Variants in FAM120B observed in about 807,000 individuals in gnomAD.
FAM120B encodes the protein family with sequence similarity 120 member B, also known as constitutive coactivator of peroxisome proliferator-activated receptor gamma.
Under a neutral mutation model 96.3 loss-of-function variants are expected in FAM120B, and 83 were observed. The ratio of observed to expected loss-of-function variants is 0.86; its 90% CI spans 0.72 to 1.03. FAM120B has a LOEUF of 1.03. Among genes scored for constraint, FAM120B ranks in the 50% least tolerant of loss-of-function variants. The probability of loss-of-function intolerance (pLI) is 0.00; values close to 1 mark genes in which losing one functional copy is unlikely to be tolerated. For synonymous variants in FAM120B, 407 were observed against 402.7 expected, an observed-to-expected ratio of 1.01 and a Z score of -0.13; for missense variants, 1,027 against 1,121.2, an observed-to-expected ratio of 0.92 and a Z score of 1.20.
chr6:170,293,450 AC>A (rs973684046), upstream of FAM120B, among the ~76,000 whole-genome samples: 3 of 151,610 alleles, frequency 2.0e-5, no homozygotes, highest in African/African-American at 7.3e-5. Flanking sequence ...TCTCTAACAA[AC>A]CCCCCTCAGT....
chr6:170,378,019 G>T (rs1789669940), intron 6 of FAM120B, among the ~76,000 whole-genome samples: 1 of 152,232 alleles, frequency 6.6e-6, no homozygotes, highest in Admixed American at 6.5e-5. Context: ...TTTTGAGTCA[G>T]TCAGCCCTTT....
In FAM120B at chr6:170,382,902, A is replaced by G. The variant is rs142856926; in HGVS notation, c.2284-5385A>G. ...ACTGTATTTGATAACATACCTTGCT[A>G]TATAACTGCAGTAATCAAGACAGTA... On this transcript the variant is annotated intron_variant, in intron 6 of 10. Coordinates refer to ENST00000476287, the MANE Select transcript of FAM120B (RefSeq NM_032448.3). 1.7e-3 allele frequency among the ~76,000 whole-genome samples: 263 copies of G among 152,366 alleles called. 1 individual carries two copies. Among genetic ancestry groups the G allele is most frequent in the African/African-American group, 6.0e-3 (251 of 41,590 alleles).
intron 4 of FAM120B, among the ~76,000 whole-genome samples, chr6:170,342,855 G>A (rs576980303): frequency 6.6e-6 from 1 of 152,310 alleles, no homozygotes; most frequent in Non-Finnish European, 1.5e-5. Context: ...GAGGCTCTGG[G>A]TGAAACATGA....
intron 4 of FAM120B, among the ~76,000 whole-genome samples, chr6:170,341,668 G>A (rs1222278088): frequency 6.6e-6 from 1 of 152,204 alleles, no homozygotes; most frequent in African/African-American, 2.4e-5. Context: ...TGCAAAAACT[G>A]TGGGAAAAGC....
upstream of FAM120B, among the ~76,000 whole-genome samples, chr6:170,295,068 G>T (rs530734739): frequency 2.6e-5 from 4 of 152,222 alleles, no homozygotes; most frequent in East Asian, 1.9e-4. The surrounding 1 kb of genome is among the most constrained non-coding windows in gnomAD (Gnocchi z 7.8). Context: ...TTCTCCTTCC[G>T]TCAGTTTTGG....
At chr6:170,330,359 T>C (rs929561685) in intron 3 of FAM120B, 90 bp from the exon 4 acceptor site, 6 of 913,208 alleles carry the variant, frequency 6.6e-6, no homozygotes, top group Non-Finnish European at 1.0e-5. Context: ...CACCTTTGAA[T>C]TGGCCACCTG....
At chr6:170,379,903 A>G (rs190766597) in intron 6 of FAM120B, among the ~76,000 whole-genome samples, 1 of 152,332 alleles carries the variant, frequency 6.6e-6, no homozygotes, top group East Asian at 1.9e-4. Flanking sequence ...TTTTCGGTAT[A>G]CAGTAGAGTG....
intron 6 of FAM120B, among the ~76,000 whole-genome samples, chr6:170,366,472 G>A (rs1297322476): frequency 6.6e-6 from 1 of 152,214 alleles, no homozygotes; most frequent in East Asian, 1.9e-4. Context: ...GTGCTCTGAG[G>A]GGCAGGTGCC....
At chr6:170,389,256 C>T (rs1021693370) in intron 7 of FAM120B, among the ~76,000 whole-genome samples, 1 of 152,072 alleles carries the variant, frequency 6.6e-6, no homozygotes, top group African/African-American at 2.4e-5. Context: ...ATACAATAGC[C>T]CGAAAGTAAT....
At chr6:170,383,487 G>A (rs929057516) in intron 6 of FAM120B, among the ~76,000 whole-genome samples, 3 of 152,094 alleles carry the variant, frequency 2.0e-5, no homozygotes, top group African/African-American at 7.2e-5. Context: ...TTAGAAAGTA[G>A]GCCAAAGATA....
At chr6:170,398,340 C>T (rs1338066581) in intron 9 of FAM120B, among the ~76,000 whole-genome samples, 10 of 152,086 alleles carry the variant, frequency 6.6e-5, no homozygotes, top group Admixed American at 5.9e-4. Context: ...TATGTCATAA[C>T]TCTTAGGAGT....
At chr6:170,313,976 G>A (rs527711355) in intron 1 of FAM120B, among the ~76,000 whole-genome samples, 80 of 152,334 alleles carry the variant, frequency 5.3e-4, no homozygotes, top group African/African-American at 1.7e-3. Context: ...CTGTGTGTGC[G>A]TCCATCAACA....
Position 170,318,990 on chromosome 6 carries a change from G to A in FAM120B, c.1600G>A (p.Val534Ile), listed in dbSNP as rs201884009. Residue 534 changes from valine to isoleucine, a missense_variant, in exon 2 of 11, where the codon GTA becomes ATA. Val to Ile is a conservative substitution (Grantham distance 29). Around this residue, in one of 3 missense-constraint regions of FAM120B, gnomAD observed 880 missense variants for 980.9 expected, o/e 0.90. Transcript: ENST00000476287. ...CGCTGAAATCAATCAAAAATTACCT[G>A]TAGCAACAGATTTTGAATTTAAGCT... ...THAEINQKLP[V>I]ATDFEFKLEA... The A allele has an allele frequency of 9.9e-6, 16 of 1,614,020 alleles. No homozygotes were observed. Among genetic ancestry groups the A allele is most frequent in the Admixed American group, 1.7e-5 (1 of 60,000 alleles).
chr6:170,349,877 G>T (rs1787459558), intron 5 of FAM120B, among the ~76,000 whole-genome samples: 1 of 152,138 alleles, frequency 6.6e-6, no homozygotes, highest in African/African-American at 2.4e-5. Context: ...TAAACTAGGG[G>T]TGGAGGGCAG....
At chr6:170,294,633 GTCAC>G (rs1783957251), upstream of FAM120B, among the ~76,000 whole-genome samples, 1 of 152,156 alleles carries the variant, frequency 6.6e-6, no homozygotes, top group Non-Finnish European at 1.5e-5. This position sits in a 1 kb window ranked among gnomAD's most constrained non-coding sequence, Gnocchi z 7.9. Flanking sequence ...TAATACCATG[GTCAC>G]TCAATCCTAT....
rs947420658 is a variant in FAM120B, at chr6:170,317,636, G to A, written c.246G>A (p.Gly82=). The change falls in exon 2 of 11, where the codon GGG becomes GGA. Residue 82 remains glycine, a synonymous_variant. Coordinates refer to ENST00000476287, the MANE Select transcript of FAM120B (RefSeq NM_032448.3). The part of the protein sequence containing the change: ...RDFVKTFTAA[G]IKLIFFFDGM... The stretch of plus-strand genomic sequence containing the variant: ...TTGTTAAAACTTTTACGGCAGCTGG[G>A]ATCAAGTTGATATTCTTCTTTGATG... 1 of 1,614,180 alleles carries A rather than the reference G, an allele frequency of 6.2e-7. No individual in the cohort carries two copies. The highest frequency in any genetic ancestry group is 1.7e-5 in the Admixed American group (1 of 60,024).
upstream of FAM120B, among the ~76,000 whole-genome samples, chr6:170,291,916 G>C (rs1234151311): frequency 2.0e-5 from 3 of 152,336 alleles, no homozygotes; most frequent in East Asian, 3.9e-4. Context: ...CTCTCTCCCG[G>C]GTATCCCCCT....
intron 5 of FAM120B, among the ~76,000 whole-genome samples, chr6:170,353,026 A>G (rs1484954656): frequency 6.6e-6 from 1 of 152,184 alleles, no homozygotes; most frequent in East Asian, 1.9e-4. Flanking sequence ...ATACAATCAG[A>G]AATGATAAGG....
chr6:170,330,094 C>T (rs1043357935), intron 3 of FAM120B, among the ~76,000 whole-genome samples: 2 of 152,132 alleles, frequency 1.3e-5, no homozygotes, highest in African/African-American at 4.8e-5. Flanking sequence ...GTTGACTGTC[C>T]AATTCCAGCA....
Sources: gnomAD v4.1 joint callset for allele counts (sites outside exome capture counted in the v4.1 genomes callset) on GRCh38, gnomAD v4.1.1 for gene constraint, gnomAD v4.1.1 regional missense constraint, Gnocchi (gnomAD v3.1) non-coding constraint, MANE v1.5 for transcripts, NCBI Gene and HGNC (gene_info 2026-07-23, HGNC 2026-07-21) for gene names.